The following KCNQ3 variants were observed in gnomAD, a reference collection of about 807,000 sequenced individuals.
The protein encoded by KCNQ3 is potassium voltage-gated channel subfamily KQT member 3.
Under a neutral mutation model 92.5 loss-of-function variants are expected in KCNQ3, and 30 were observed. That is an observed-to-expected ratio of 0.32 (90% confidence interval 0.24 to 0.44). The LOEUF (loss-of-function observed/expected upper bound fraction) is 0.44, where lower values mean the gene tolerates loss of function less well. KCNQ3 is among the 20% of genes least tolerant of loss of function. The pLI is 1.00. For synonymous variants in KCNQ3, 450 were observed against 468.8 expected, an observed-to-expected ratio of 0.96 and a Z score of 0.52; for missense variants, 913 against 1,140.3, an observed-to-expected ratio of 0.80 and a Z score of 2.87.
intron 1 of KCNQ3, among the ~76,000 whole-genome samples, chr8:132,292,270 G>A (rs1263338036): frequency 6.6e-6 from 1 of 152,182 alleles, no homozygotes; most frequent in Non-Finnish European, 1.5e-5. Context: ...GATAACAGTG[G>A]TTGAATGTTT....
At chr8:132,410,205 T>C (rs1820611712) in intron 1 of KCNQ3, among the ~76,000 whole-genome samples, 1 of 152,188 alleles carries the variant, frequency 6.6e-6, no homozygotes, top group Non-Finnish European at 1.5e-5. Context: ...TGAGCCTTAT[T>C]TTAAAGTGAG....
At chr8:132,203,420 G>A (rs1270947359) in intron 1 of KCNQ3, among the ~76,000 whole-genome samples, 3 of 152,170 alleles carry the variant, frequency 2.0e-5, no homozygotes, top group East Asian at 1.9e-4. Flanking sequence ...CTCAGCAAAC[G>A]ACTTCTGGTT....
At chr8:132,180,069 TG>T in intron 4 of KCNQ3, 87 bp downstream of exon 4, 1 of 1,416,138 alleles carries the variant, frequency 7.1e-7, no homozygotes. Context: ...GACTGCCTTC[TG>T]GGGACACTGC....
chr8:132,436,156 T>G (rs1821389211), intron 1 of KCNQ3, among the ~76,000 whole-genome samples: 1 of 152,234 alleles, frequency 6.6e-6, no homozygotes, highest in Non-Finnish European at 1.5e-5. Context: ...TTTTTTGAAT[T>G]AATGTAGTTT....
chr8:132,139,554 T>A (rs925457945), intron 11 of KCNQ3, among the ~76,000 whole-genome samples: 1 of 152,222 alleles, frequency 6.6e-6, no homozygotes, highest in African/African-American at 2.4e-5. Context: ...AATAGCATAC[T>A]TTTTTTCATT....
chr8:132,338,741 C>A (rs989010885), intron 1 of KCNQ3, among the ~76,000 whole-genome samples: 1 of 152,126 alleles, frequency 6.6e-6, no homozygotes, highest in African/African-American at 2.4e-5. Flanking sequence ...GGGATGCTGA[C>A]ACAGAAAAAA....
intron 1 of KCNQ3, among the ~76,000 whole-genome samples, chr8:132,465,315 A>G (rs1822147762): frequency 6.6e-6 from 1 of 152,238 alleles, no homozygotes; most frequent in Admixed American, 6.5e-5. Flanking sequence ...AGCCACTCAG[A>G]ATTATGTCAC....
intron 3 of KCNQ3, among the ~76,000 whole-genome samples, chr8:132,182,592 A>G (rs11984956): frequency 0.069 from 10,472 of 152,306 alleles, 501 homozygotes; most frequent in African/African-American, 0.12. Context: ...TCCAGCAGGG[A>G]TCTGGGCTCC....
At chr8:132,203,233 G>A (rs1400827886) in intron 1 of KCNQ3, among the ~76,000 whole-genome samples, 1 of 152,170 alleles carries the variant, frequency 6.6e-6, no homozygotes, top group African/African-American at 2.4e-5. Context: ...GCATCGGGGA[G>A]TAAGTTTCCA....
In KCNQ3 at chr8:132,479,949, A is replaced by AACAC. The variant is rs371967111; in HGVS notation, c.386+194_386+197dup. Among the ~76,000 whole-genome samples, 12,335 of 137,044 alleles carry AACAC rather than the reference A, an allele frequency of 0.09. 609 individuals carry two copies. The highest frequency in any genetic ancestry group is 0.13 in the Admixed American group (1,775 of 13,796). 89.9% of individuals were successfully genotyped at this position (137,044 alleles called of 152,430 possible). A position where few individuals can be genotyped will look rare whatever the true frequency, so the allele number is the denominator to read the frequency against. On this transcript the variant is annotated intron_variant, in intron 1 of 14. Coordinates refer to ENST00000388996, the MANE Select transcript of KCNQ3 (RefSeq NM_004519.4). ...TAGTGTGGAACACCCGGAGAGCGGC[A>AACAC]ACACACACACACACACACACACACA...
chr8:132,338,595 G>T (rs1421784717), intron 1 of KCNQ3, among the ~76,000 whole-genome samples: 1 of 152,156 alleles, frequency 6.6e-6, no homozygotes, highest in African/African-American at 2.4e-5. Context: ...GTTTGACCGT[G>T]GTGTTCAGAG....
intron 1 of KCNQ3, among the ~76,000 whole-genome samples, chr8:132,418,338 C>T (rs1042824294): frequency 3.3e-5 from 5 of 152,068 alleles, no homozygotes; most frequent in South Asian, 2.1e-4. Flanking sequence ...TTTAATGAGG[C>T]GTGCTCACGG....
At chr8:132,410,709 C>G (rs1422135960) in intron 1 of KCNQ3, among the ~76,000 whole-genome samples, 2 of 152,216 alleles carry the variant, frequency 1.3e-5, no homozygotes, top group African/African-American at 4.8e-5. Context: ...CTAACAGTCA[C>G]ATTTTTCTAA....
intron 1 of KCNQ3, among the ~76,000 whole-genome samples, chr8:132,371,711 G>A (rs765487425): frequency 2.0e-5 from 3 of 152,202 alleles, no homozygotes; most frequent in African/African-American, 7.2e-5. Flanking sequence ...CACTCTCCAC[G>A]AAGAAGGTAA....
Position 132,170,290 on chromosome 8 carries a change from G to C in KCNQ3, c.1235+44C>G. Reference sequence around the variant, plus strand: ...AGACACGAATACAGACCGCAGGAGAGATGGCTGGTCACGCCCTGAGCATTC... The same window carrying C: ...AGACACGAATACAGACCGCAGGAGACATGGCTGGTCACGCCCTGAGCATTC... On this transcript the variant is annotated intron_variant, in intron 8 of 14. Coordinates refer to ENST00000388996, the MANE Select transcript of KCNQ3 (RefSeq NM_004519.4). The C allele has an allele frequency of 6.5e-6, 9 of 1,389,308 alleles. 1 individual carries two copies. The Middle Eastern group carries it at 1.6e-3, about 248-fold the overall frequency. 86.1% of individuals were successfully genotyped at this position (1,389,308 alleles called of 1,614,324 possible). A position where few individuals can be genotyped will look rare whatever the true frequency, so the allele number is the denominator to read the frequency against.
intron 1 of KCNQ3, among the ~76,000 whole-genome samples, chr8:132,411,346 G>A (rs1474164446): frequency 6.6e-6 from 1 of 152,116 alleles, no homozygotes; most frequent in Admixed American, 6.5e-5. Context: ...GTAGTGCAGT[G>A]GGCTTGATTA....
At chr8:132,276,737 G>A (rs529459706) in intron 1 of KCNQ3, among the ~76,000 whole-genome samples, 1 of 152,298 alleles carries the variant, frequency 6.6e-6, no homozygotes, top group East Asian at 1.9e-4. Flanking sequence ...TGAAGAGTAT[G>A]TGCCTCAGGA....
At chr8:132,264,797 C>G (rs917542162) in intron 1 of KCNQ3, among the ~76,000 whole-genome samples, 4 of 152,184 alleles carry the variant, frequency 2.6e-5, no homozygotes, top group Non-Finnish European at 5.9e-5. Flanking sequence ...AGGATAATAA[C>G]TTACAGGGTT....
At chr8:132,429,924 T>G (rs114957512) in intron 1 of KCNQ3, among the ~76,000 whole-genome samples, 2,658 of 151,900 alleles carry the variant, frequency 0.017, 78 homozygotes, top group African/African-American at 0.06. Context: ...AGAGTTCCTC[T>G]GCTCACACCT....
Sources: gnomAD v4.1 joint callset for allele counts (sites outside exome capture counted in the v4.1 genomes callset) on GRCh38, gnomAD v4.1.1 for gene constraint, MANE v1.5 for transcripts, NCBI Gene and HGNC (gene_info 2026-07-23, HGNC 2026-07-21) for gene names.